The following PTPRD variants were observed in gnomAD, a reference collection of about 807,000 sequenced individuals.
PTPRD encodes protein tyrosine phosphatase receptor type D.
In PTPRD, 34 loss-of-function variants were observed where a neutral mutation model predicts 214.5. That is an observed-to-expected ratio of 0.16 (90% CI 0.12 to 0.21). PTPRD has a LOEUF of 0.21. Ranked by LOEUF, PTPRD falls within the 10% of genes least tolerant of loss-of-function variation. The pLI is 1.00. For synonymous variants in PTPRD, 1,128 were observed against 845.7 expected (o/e 1.33, Z -5.79); for missense variants, 2,545 against 2,398.7 (o/e 1.06, Z -1.27).
intron 43 of PTPRD, among the ~76,000 whole-genome samples, chr9:8,337,623 G>A (rs751822630): frequency 6.6e-6 from 1 of 151,382 alleles, no homozygotes; most frequent in African/African-American, 2.4e-5. Context: ...AACAGCAAAT[G>A]TAGTAGCTAA....
intron 10 of PTPRD, among the ~76,000 whole-genome samples, chr9:9,057,775 T>C (rs1344468423): frequency 6.6e-6 from 1 of 152,296 alleles, no homozygotes; most frequent in East Asian, 1.9e-4. Flanking sequence ...TTGTGCATAA[T>C]TTAGATCTTT....
chr9:9,592,677 T>A (rs1422718155), intron 7 of PTPRD, among the ~76,000 whole-genome samples: 1 of 151,968 alleles, frequency 6.6e-6, no homozygotes, highest in Admixed American at 6.6e-5. Context: ...TTTTTCCCCA[T>A]AGCCTACAAG....
At chr9:8,579,028 G>C (rs2154249011) in intron 14 of PTPRD, among the ~76,000 whole-genome samples, 1 of 152,200 alleles carries the variant, frequency 6.6e-6, no homozygotes, top group Non-Finnish European at 1.5e-5. Flanking sequence ...TTTTACCTCT[G>C]TATATGCAAC....
chr9:9,076,687 C>CT (rs1477640986), intron 10 of PTPRD, among the ~76,000 whole-genome samples: 1 of 151,966 alleles, frequency 6.6e-6, no homozygotes, highest in Admixed American at 6.6e-5. Flanking sequence ...TTTTCTTTAT[C>CT]CATTCATCTG....
At chr9:10,004,795 C>G (rs2096433873) in intron 4 of PTPRD, among the ~76,000 whole-genome samples, 1 of 152,032 alleles carries the variant, frequency 6.6e-6, no homozygotes, top group South Asian at 2.1e-4. Flanking sequence ...GTAGTGTATT[C>G]AATAAATAAT....
At chr9:9,057,743 T>A (rs2099698983) in intron 10 of PTPRD, among the ~76,000 whole-genome samples, 2 of 152,168 alleles carry the variant, frequency 1.3e-5, no homozygotes. Flanking sequence ...AGATTCCCAA[T>A]TCTTGGTTAT....
At chr9:9,267,918 G>A (rs948197136) in intron 9 of PTPRD, among the ~76,000 whole-genome samples, 5 of 151,020 alleles carry the variant, frequency 3.3e-5, no homozygotes, top group African/African-American at 1.2e-4. Flanking sequence ...CATAGCTAAC[G>A]TCATTTTCAG....
chr9:10,066,137 A>G (rs2097878437), intron 3 of PTPRD, among the ~76,000 whole-genome samples: 1 of 151,856 alleles, frequency 6.6e-6, no homozygotes, highest in Non-Finnish European at 1.5e-5. Flanking sequence ...CCAATTCTGC[A>G]GGATACTTTT....
intron 10 of PTPRD, among the ~76,000 whole-genome samples, chr9:9,052,309 T>C (rs1331658): frequency 0.39 from 58,598 of 152,042 alleles, 13,270 homozygotes; most frequent in East Asian, 0.7. Context: ...TTTCAATATA[T>C]GAATTTGGGG....
At chr9:9,801,884 G>A (rs2099042725) in intron 5 of PTPRD, among the ~76,000 whole-genome samples, 2 of 151,818 alleles carry the variant, frequency 1.3e-5, no homozygotes, top group Admixed American at 1.3e-4. Flanking sequence ...CAAAACTCAG[G>A]CAAGCAGTGC....
chr9:10,215,681 A>C (rs1334869734), intron 3 of PTPRD, among the ~76,000 whole-genome samples: 1 of 152,052 alleles, frequency 6.6e-6, no homozygotes, highest in Non-Finnish European at 1.5e-5. Context: ...TATGCATATC[A>C]ATAAATATGT....
At chr9:10,189,019 T>A (rs2099350691) in intron 3 of PTPRD, among the ~76,000 whole-genome samples, 1 of 152,160 alleles carries the variant, frequency 6.6e-6, no homozygotes, top group East Asian at 1.9e-4. Context: ...ATTACTTTTT[T>A]TTTTTCTGTC....
intron 3 of PTPRD, among the ~76,000 whole-genome samples, chr9:10,138,416 A>AAAACAAAC (rs552966698): frequency 9.9e-5 from 15 of 151,994 alleles, no homozygotes; most frequent in African/African-American, 3.4e-4. Flanking sequence ...ACAACAAAAC[A>AAAACAAAC]AAACAAACAA....
intron 11 of PTPRD, among the ~76,000 whole-genome samples, chr9:8,783,437 C>A (rs2095818323): frequency 6.6e-6 from 1 of 152,168 alleles, no homozygotes; most frequent in Non-Finnish European, 1.5e-5. Flanking sequence ...GGATGCTGTA[C>A]TGAAGTTTTA....
chr9:9,173,055 A>G (rs2099922441), intron 10 of PTPRD, among the ~76,000 whole-genome samples: 1 of 151,310 alleles, frequency 6.6e-6, no homozygotes, highest in African/African-American at 2.4e-5. Context: ...TTTCCTCCTG[A>G]CTCTCCTCAG....
intron 11 of PTPRD, among the ~76,000 whole-genome samples, chr9:8,766,120 T>C (rs1353533863): frequency 6.6e-6 from 1 of 150,872 alleles, no homozygotes; most frequent in African/African-American, 2.4e-5. Context: ...AAATGTAGGC[T>C]GAAAACCTAA....
At chr9:9,610,153 C>A (rs2094441273) in intron 7 of PTPRD, among the ~76,000 whole-genome samples, 1 of 152,100 alleles carries the variant, frequency 6.6e-6, no homozygotes, top group Non-Finnish European at 1.5e-5. Context: ...CGTTAGGAAT[C>A]TTTCGAAAGG....
In PTPRD at chr9:8,878,301, A is replaced by T. The variant is rs149376848; in HGVS notation, c.-104+140396T>A. 4.8e-3 allele frequency among the ~76,000 whole-genome samples: 728 copies of T among 152,262 alleles called. 18 individuals are homozygous for T. The highest frequency in any genetic ancestry group is 0.044 in the Admixed American group (680 of 15,296). ...GGGCACAGACAATACTTGGAGGGAA[A>T]TAAAATGACTACTGTACCCATTGTG... On this transcript the variant is annotated intron_variant, in intron 11 of 45. Transcript: ENST00000381196.
chr9:10,361,018 C>T (rs972095652), intron 2 of PTPRD, among the ~76,000 whole-genome samples: 10 of 152,198 alleles, frequency 6.6e-5, no homozygotes, highest in Non-Finnish European at 1.0e-4. Flanking sequence ...AGGAGAATGG[C>T]GTGAACACGG....
Sources: gnomAD v4.1 joint callset for allele counts (sites outside exome capture counted in the v4.1 genomes callset) on GRCh38, gnomAD v4.1.1 for gene constraint, MANE v1.5 for transcripts, NCBI Gene and HGNC (gene_info 2026-07-23, HGNC 2026-07-21) for gene names.